Variants in CDC14B observed in about 807,000 individuals in gnomAD.
CDC14B encodes cell division cycle 14B.
A neutral mutation model predicts 64.2 loss-of-function variants in CDC14B; 22 were observed. The observed-to-expected ratio is 0.34, with a 90% CI of 0.24 to 0.49. The LOEUF is 0.49. CDC14B is among the 20% of genes least tolerant of loss of function. The pLI is 0.99. For missense variants in CDC14B, 498 were observed against 629.9 expected (o/e 0.79, Z 2.24); for synonymous variants, 191 against 215.8 (o/e 0.89, Z 1.01).
chr9:96,592,538 G>T (rs1341683274), intron 1 of CDC14B, among the ~76,000 whole-genome samples: 1 of 152,172 alleles, frequency 6.6e-6, no homozygotes. Flanking sequence ...CAATTTGGGA[G>T]GCCGAGGTGG....
intron 4 of CDC14B, 134 bp downstream of exon 4, chr9:96,562,559 A>AT (rs1182383772): frequency 2.9e-6 from 2 of 693,582 alleles, no homozygotes; most frequent in Non-Finnish European, 5.1e-6. Flanking sequence ...GAATTGGTCA[A>AT]TTTTTTAAAA....
chr9:96,600,203 T>C (rs1025260454), intron 1 of CDC14B, among the ~76,000 whole-genome samples: 8 of 151,490 alleles, frequency 5.3e-5, no homozygotes, highest in African/African-American at 1.9e-4. Context: ...GAGACCAGCC[T>C]GCACAACATA....
intron 1 of CDC14B, among the ~76,000 whole-genome samples, chr9:96,608,788 TTTA>T (rs1428270154): frequency 9.2e-5 from 14 of 152,006 alleles, no homozygotes; most frequent in Admixed American, 4.6e-4. Context: ...TTAGATGTAT[TTTA>T]ATAGAGATAG....
chr9:96,595,951 A>T (rs192208231), intron 1 of CDC14B, among the ~76,000 whole-genome samples: 26 of 152,356 alleles, frequency 1.7e-4, no homozygotes, highest in Non-Finnish European at 3.2e-4. Context: ...TTAAAGTTAA[A>T]TAATTGACAT....
At chr9:96,554,564 A>C (rs1026602278) in intron 4 of CDC14B, among the ~76,000 whole-genome samples, 2 of 152,028 alleles carry the variant, frequency 1.3e-5, no homozygotes, top group Non-Finnish European at 2.9e-5. Context: ...GGGGGAAAAA[A>C]CCCCTAAATT....
chr9:96,528,682 T>C (rs988108949), intron 9 of CDC14B, among the ~76,000 whole-genome samples: 2 of 152,210 alleles, frequency 1.3e-5, no homozygotes, highest in African/African-American at 4.8e-5. Context: ...CCATTTTCCA[T>C]AGCAGCTGCA....
rs16911419 is a variant in CDC14B, at chr9:96,617,837, C to T, written c.160+1382G>A. On this transcript the variant is annotated intron_variant, in intron 1 of 13. Transcript: ENST00000375241. Reference sequence around the variant, plus strand: ...AATTAAATCCCATTCAACACAGATCCTTTCAAGAGGTATAAACAATAACGG... The same window carrying T: ...AATTAAATCCCATTCAACACAGATCTTTTCAAGAGGTATAAACAATAACGG... 8.9e-3 allele frequency among the ~76,000 whole-genome samples: 1,358 copies of T among 152,282 alleles called. 16 individuals are homozygous for T. The highest frequency in any genetic ancestry group is 0.015 in the Non-Finnish European group (1,047 of 68,018).
At chr9:96,610,558 T>C (rs1434111307) in intron 1 of CDC14B, among the ~76,000 whole-genome samples, 1 of 152,140 alleles carries the variant, frequency 6.6e-6, no homozygotes, top group Non-Finnish European at 1.5e-5. Flanking sequence ...CAAGTTAGCA[T>C]TTCATGACAT....
chr9:96,567,733 CTT>C (rs938664297), intron 1 of CDC14B, among the ~76,000 whole-genome samples: 53 of 152,252 alleles, frequency 3.5e-4, no homozygotes, highest in Admixed American at 3.2e-3. Flanking sequence ...ATAAATAAGA[CTT>C]ATTATTTCAC....
intron 7 of CDC14B, among the ~76,000 whole-genome samples, chr9:96,537,500 G>A (rs1839442579): frequency 6.6e-6 from 1 of 152,124 alleles, no homozygotes; most frequent in Non-Finnish European, 1.5e-5. Flanking sequence ...GCCAGTGAGA[G>A]GCATTCCTGG....
At chr9:96,538,934 AGGTAATCATTTCAT>A in intron 7 of CDC14B, 130 bp downstream of exon 7, 1 of 621,950 alleles carries the variant, frequency 1.6e-6, no homozygotes, top group Non-Finnish European at 2.9e-6. Context: ...TAGCTTGATT[AGGTAATCATTTCAT>A]GGTGTATACA....
chr9:96,496,704 A>G (rs1274400173), downstream of CDC14B, among the ~76,000 whole-genome samples: 1 of 152,198 alleles, frequency 6.6e-6, no homozygotes, highest in Non-Finnish European at 1.5e-5. Context: ...GGCCACCCTG[A>G]AGTCCCCGCT....
chr9:96,495,176 G>T (rs953181214), downstream of CDC14B, among the ~76,000 whole-genome samples: 1 of 152,220 alleles, frequency 6.6e-6, no homozygotes. Context: ...CCAGAGGGCT[G>T]AATTACATAA....
At chr9:96,494,755 CTCCCCTCCCG>C (rs1397257701) in intron 13 of CDC14B, among the ~76,000 whole-genome samples, 3 of 132,534 alleles carry the variant, frequency 2.3e-5, no homozygotes, top group African/African-American at 8.6e-5. Flanking sequence ...TCTTCCTCCC[CTCCCCTCCCG>C]TCCCCTCCCC....
chr9:96,576,222 G>T (rs1263936177), intron 1 of CDC14B, among the ~76,000 whole-genome samples: 2 of 152,144 alleles, frequency 1.3e-5, no homozygotes, highest in East Asian at 3.9e-4. Flanking sequence ...GGAGGTTGCA[G>T]TGAGCCGAGA....
At chr9:96,611,313 G>A (rs994908159) in intron 1 of CDC14B, among the ~76,000 whole-genome samples, 3 of 152,176 alleles carry the variant, frequency 2.0e-5, no homozygotes, top group African/African-American at 4.8e-5. Flanking sequence ...ATGAAATAGT[G>A]GAAAGAAACA....
chr9:96,562,933 T>A (rs2132277617), intron 3 of CDC14B, 148 bp from the exon 4 acceptor site: 1 of 621,548 alleles, frequency 1.6e-6, no homozygotes, highest in East Asian at 2.7e-5. Context: ...TACCCACAAA[T>A]ACCATATATC....
chr9:96,520,541 G>T (rs954071155), intron 12 of CDC14B, among the ~76,000 whole-genome samples: 2 of 152,104 alleles, frequency 1.3e-5, no homozygotes, highest in African/African-American at 4.8e-5. Flanking sequence ...GAGAGTAGCA[G>T]ATTCAGAGGG....
intron 1 of CDC14B, among the ~76,000 whole-genome samples, chr9:96,611,362 T>C (rs1340015839): frequency 6.6e-6 from 1 of 152,194 alleles, no homozygotes; most frequent in Admixed American, 6.5e-5. Context: ...ACCAGTCTGT[T>C]TGTCTCTAAT....
Sources: gnomAD v4.1 joint callset for allele counts (sites outside exome capture counted in the v4.1 genomes callset) on GRCh38, gnomAD v4.1.1 for gene constraint, MANE v1.5 for transcripts, NCBI Gene and HGNC (gene_info 2026-07-23, HGNC 2026-07-21) for gene names.